FAM174B: variants seen among roughly 807,000 people sequenced by gnomAD.
FAM174B encodes the protein membrane protein FAM174B.
Under a neutral mutation model 10.9 loss-of-function variants are expected in FAM174B, and 12 were observed. The observed-to-expected ratio is 1.10, with a 90% CI of 0.71 to 1.79. The LOEUF (loss-of-function observed/expected upper bound fraction) is 1.79, where lower values mean the gene tolerates loss of function less well. FAM174B is among the 40% of genes most tolerant of loss of function. The pLI, the probability that FAM174B is intolerant of heterozygous loss-of-function variation, is 0.00. For missense variants in FAM174B, 266 were observed against 233.3 expected, an observed-to-expected ratio of 1.14 and a Z score of -0.91; for synonymous variants, 132 against 115.8, an observed-to-expected ratio of 1.14 and a Z score of -0.90.
chr15:92,631,723 C>G (rs1283641519), intron 1 of FAM174B, among the ~76,000 whole-genome samples: 1 of 151,120 alleles, frequency 6.6e-6, no homozygotes, highest in Admixed American at 6.7e-5. Flanking sequence ...GTCTCGATCT[C>G]CTGACCTCGT....
intron 1 of FAM174B, among the ~76,000 whole-genome samples, chr15:92,644,684 T>C (rs143784609): frequency 6.6e-6 from 1 of 152,238 alleles, no homozygotes; most frequent in Non-Finnish European, 1.5e-5. Context: ...CAAGGCCTTG[T>C]AGACAAAAGA....
intron 1 of FAM174B, among the ~76,000 whole-genome samples, chr15:92,631,534 A>G (rs1260444802): frequency 7.9e-6 from 1 of 125,894 alleles, no homozygotes; most frequent in African/African-American, 3.1e-5. Context: ...TCGCTCTGTC[A>G]CCCAGGCTGG....
chr15:92,639,757 G>A (rs940725157), intron 1 of FAM174B, among the ~76,000 whole-genome samples: 7 of 152,110 alleles, frequency 4.6e-5, no homozygotes, highest in South Asian at 2.1e-4. Context: ...GATACCTCCC[G>A]CCTTGCTCTT....
At chr15:92,626,775 G>A (rs1034437351) in intron 2 of FAM174B, among the ~76,000 whole-genome samples, 11 of 152,138 alleles carry the variant, frequency 7.2e-5, no homozygotes, top group Admixed American at 1.3e-4. Context: ...AGTGCTGGCC[G>A]GGCGCCATGG....
chr15:92,647,775 G>A (rs990829837), intron 1 of FAM174B, among the ~76,000 whole-genome samples: 44 of 152,298 alleles, frequency 2.9e-4, no homozygotes, highest in African/African-American at 1.0e-3. Context: ...TCTTTTGTGG[G>A]AAAATTTTTG....
chr15:92,619,462 A>C lies in FAM174B; in HGVS notation c.477-3T>G. The C allele has an allele frequency of 6.2e-7, 1 of 1,613,760 alleles. No individual in the cohort carries two copies. Among genetic ancestry groups the C allele is most frequent in the South Asian group, 1.1e-5 (1 of 91,070 alleles). The stretch of plus-strand genomic sequence containing the variant: ...CCAGGCTGGGAAACAGGTTTTACCT[A>C]AAAGAAAGGGAAGGACAAGAGTAAG... On this transcript the variant is annotated splice_region_variant and splice_polypyrimidine_tract_variant and intron_variant, in intron 2 of 2. Coordinates refer to ENST00000327355, the MANE Select transcript of FAM174B (RefSeq NM_207446.3).
intron 1 of FAM174B, among the ~76,000 whole-genome samples, chr15:92,642,150 AAGAC>A (rs770704757): frequency 6.6e-6 from 1 of 152,234 alleles, no homozygotes; most frequent in African/African-American, 2.4e-5. Context: ...TATAAGCAAA[AAGAC>A]AGACAATAAC....
chr15:92,630,018 T>A (rs1322299910), intron 2 of FAM174B, 196 bp downstream of exon 2: 1 of 458,430 alleles, frequency 2.2e-6, no homozygotes, highest in Non-Finnish European at 3.9e-6. Context: ...ATACATTTCC[T>A]AGTCCCAGGT....
intron 2 of FAM174B, among the ~76,000 whole-genome samples, chr15:92,622,135 G>A (rs539009304): frequency 5.3e-5 from 8 of 152,194 alleles, no homozygotes; most frequent in Admixed American, 1.3e-4. Context: ...ATTCACCTCC[G>A]TAAGTGTCTG....
intron 1 of FAM174B, among the ~76,000 whole-genome samples, chr15:92,632,537 T>A (rs2050826072): frequency 6.6e-6 from 1 of 152,068 alleles, no homozygotes; most frequent in East Asian, 1.9e-4. Context: ...AAAGACAGGG[T>A]CGCATTCTAT....
Position 92,631,163 on chromosome 15 carries a change from T to C in FAM174B, c.345-818A>G, listed in dbSNP as rs370910556. 1.0e-3 allele frequency among the ~76,000 whole-genome samples: 25 copies of C among 25,054 alleles called. 7 individuals carry two copies. The highest frequency in any genetic ancestry group is 1.8e-3 in the Admixed American group (2 of 1,114). 16.4% of individuals were successfully genotyped at this position (25,054 alleles called of 152,430 possible). A position where few individuals can be genotyped will look rare whatever the true frequency, so the allele number is the denominator to read the frequency against. On this transcript the variant is annotated intron_variant, in intron 1 of 2. Coordinates refer to ENST00000327355, the MANE Select transcript of FAM174B (RefSeq NM_207446.3). Reference sequence around the variant, plus strand: ...ATATTACATATTATATTATATATTATATAATAATTTATATATTATATTATA... The same window carrying C: ...ATATTACATATTATATTATATATTACATAATAATTTATATATTATATTATA...
chr15:92,646,323 T>A (rs62022578), intron 1 of FAM174B, among the ~76,000 whole-genome samples: 4 of 152,234 alleles, frequency 2.6e-5, no homozygotes, highest in Middle Eastern at 3.4e-3. Flanking sequence ...TGGAATTGGC[T>A]TCCAAAATCC....
Position 92,619,415 on chromosome 15 carries a change from A to G in FAM174B, c.*41T>C, listed in dbSNP as rs746593240. On this transcript the variant is annotated 3_prime_UTR_variant, in exon 3 of 3. Transcript: ENST00000327355. The stretch of plus-strand genomic sequence containing the variant: ...TCCTTCACACCCCAGGTTGCAGCTG[A>G]CCAACTTTCCACAGGATGCCACCAG... 6.2e-7 allele frequency: 1 copy of G among 1,613,676 alleles called. No homozygotes were observed. Among genetic ancestry groups the G allele is most frequent in the East Asian group, 2.2e-5 (1 of 44,894 alleles).
Position 92,617,680 on chromosome 15 carries a change from C to A in FAM174B, c.*1776G>T, listed in dbSNP as rs574814870. ...AGTTCCAGTTCAAAGGTTGAGGGGGCGAACAGCTGCGAGGTGGCCAGGCTC... is the reference window on the plus strand; with the variant it reads ...AGTTCCAGTTCAAAGGTTGAGGGGGAGAACAGCTGCGAGGTGGCCAGGCTC... On this transcript the variant is annotated 3_prime_UTR_variant, in exon 3 of 3. Transcript: ENST00000327355. 4.4e-6 allele frequency: 3 copies of A among 680,108 alleles called. No homozygotes were observed. Among genetic ancestry groups the A allele is most frequent in the Admixed American group, 2.2e-5 (1 of 45,720 alleles). 42.1% of individuals were successfully genotyped at this position (680,108 alleles called of 1,614,324 possible). A position where few individuals can be genotyped will look rare whatever the true frequency, so the allele number is the denominator to read the frequency against.
At chr15:92,630,701 ATT>A (rs556902400) in intron 1 of FAM174B, among the ~76,000 whole-genome samples, 223 of 135,224 alleles carry the variant, frequency 1.6e-3, no homozygotes, top group Non-Finnish European at 2.8e-3. Context: ...TTATATATAT[ATT>A]ATATAATTAT....
chr15:92,642,835 C>T (rs1596301565), intron 1 of FAM174B, among the ~76,000 whole-genome samples: 2 of 152,104 alleles, frequency 1.3e-5, no homozygotes, highest in Non-Finnish European at 2.9e-5. Flanking sequence ...TATACCCATT[C>T]GATGGAACAT....
In FAM174B at chr15:92,619,379, T is replaced by C; in HGVS notation, c.*77A>G. 1 of 1,580,244 alleles carries C rather than the reference T, an allele frequency of 6.3e-7. No homozygotes were observed. Among genetic ancestry groups the C allele is most frequent in the South Asian group, 1.1e-5 (1 of 90,118 alleles). ...TCAACACCTCCGACGCAAGAGGGCT[T>C]CCAGGTCCAGTCCTTCACACCCCAG... is the stretch of plus-strand genomic sequence containing the variant. On this transcript the variant is annotated 3_prime_UTR_variant, in exon 3 of 3. Coordinates refer to ENST00000327355, the MANE Select transcript of FAM174B (RefSeq NM_207446.3).
chr15:92,631,678 T>C lies in FAM174B; in HGVS notation c.345-1333A>G, dbSNP rs532866263. Among the ~76,000 whole-genome samples the C allele has an allele frequency of 6.7e-3, 993 of 149,096 alleles. 6 individuals are homozygous for C. The highest frequency in any genetic ancestry group is 0.01 in the Non-Finnish European group (684 of 67,612). On this transcript the variant is annotated intron_variant, in intron 1 of 2. Transcript: ENST00000327355. ...CCCGGCTAATTTTTTTTTTGTATTT[T>C]TTGTAGAGACAGATTTCGCCTGTTA...
intron 1 of FAM174B, among the ~76,000 whole-genome samples, chr15:92,631,413 A>ATTATATATT (rs2050814486): frequency 2.4e-5 from 1 of 41,442 alleles, no homozygotes; most frequent in South Asian, 5.1e-4. Context: ...TATTATATAT[A>ATTATATATT]ATATATAATA....
Sources: allele counts gnomAD v4.1 joint callset (sites outside exome capture counted in the v4.1 genomes callset), GRCh38; gene constraint gnomAD v4.1.1; transcripts MANE v1.5; gene names NCBI Gene and HGNC (gene_info 2026-07-23, HGNC 2026-07-21).